Variants in TUBGCP3 observed in about 807,000 individuals in gnomAD.
The protein encoded by TUBGCP3 is gamma-tubulin complex component 3.
A neutral mutation model predicts 123.1 loss-of-function variants in TUBGCP3; 50 were observed. The observed-to-expected ratio is 0.41, with a 90% CI of 0.32 to 0.51. The LOEUF (loss-of-function observed/expected upper bound fraction) is 0.51. TUBGCP3 is among the 20% of genes least tolerant of loss of function. The pLI, the probability that TUBGCP3 is intolerant of heterozygous loss-of-function variation, is 0.36. For missense variants in TUBGCP3, 882 were observed against 1,127.0 expected (o/e 0.78, Z 3.11); for synonymous variants, 405 against 413.9 (o/e 0.98, Z 0.26).
At chr13:112,517,574 GGA>G (rs1566546222) in intron 16 of TUBGCP3, among the ~76,000 whole-genome samples, 1 of 152,168 alleles carries the variant, frequency 6.6e-6, no homozygotes, top group Non-Finnish European at 1.5e-5. Context: ...TAACAAGGCA[GGA>G]GATATGAAAG....
chr13:112,564,495 T>C lies in TUBGCP3; in HGVS notation c.252+616A>G, dbSNP rs983359737. Among the ~76,000 whole-genome samples the C allele has an allele frequency of 2.6e-5, 4 of 152,188 alleles. No homozygotes were observed. The South Asian group carries it at 6.2e-4, about 24-fold the overall frequency. ...CTCACCCTATGATTCAATTAATGTA[T>C]TGGTATACAGGCTGCCAAAATCTTT... On this transcript the variant is annotated intron_variant, in intron 3 of 21. Coordinates refer to ENST00000261965, the MANE Select transcript of TUBGCP3 (RefSeq NM_006322.6).
In TUBGCP3 at chr13:112,550,894, T is replaced by G. The variant is rs368055795; in HGVS notation, c.967-2718A>C. 8.3e-4 allele frequency among the ~76,000 whole-genome samples: 127 copies of G among 152,144 alleles called. 1 individual carries two copies. The highest frequency in any genetic ancestry group is 2.8e-3 in the African/African-American group (117 of 41,512). On this transcript the variant is annotated intron_variant, in intron 8 of 21. Coordinates refer to ENST00000261965, the MANE Select transcript of TUBGCP3 (RefSeq NM_006322.6). ...CGGGCAGATCATGAGGTCAGGAGAT[T>G]AAGACCATCCTGGCTAACACAGTGA...
At chr13:112,567,253 T>C (rs1446189661) in intron 2 of TUBGCP3, among the ~76,000 whole-genome samples, 7 of 151,696 alleles carry the variant, frequency 4.6e-5, no homozygotes, top group Non-Finnish European at 1.0e-4. Context: ...GTTTTCTTCT[T>C]TAAAAGGAAA....
chr13:112,590,021 C>G (rs1882850698), upstream of TUBGCP3, among the ~76,000 whole-genome samples: 1 of 150,834 alleles, frequency 6.6e-6, no homozygotes, highest in African/African-American at 2.4e-5. Context: ...CAGATGGAGT[C>G]TCGCTCTGTT....
rs1245469244 is a variant in TUBGCP3 at position 112,521,693 on chromosome 13, G to A, written c.1745+627C>T. Reference sequence around the variant, plus strand: ...GTGTCCTAAAAGGAACACCAGAAAAGAAGTTTCATTCTTCTAAACACTTGG... The same window carrying A: ...GTGTCCTAAAAGGAACACCAGAAAAAAAGTTTCATTCTTCTAAACACTTGG... On this transcript the variant is annotated intron_variant, in intron 14 of 21. Coordinates refer to ENST00000261965, the MANE Select transcript of TUBGCP3 (RefSeq NM_006322.6). 3.0e-6 allele frequency: 3 copies of A among 985,308 alleles called. No individual in the cohort carries two copies. The African/African-American group carries it at 5.2e-5, about 17-fold the overall frequency. 61.0% of individuals were successfully genotyped at this position (985,308 alleles called of 1,614,324 possible).
Position 112,547,658 on chromosome 13 carries a change from C to T in TUBGCP3, c.1130G>A (p.Arg377Gln), listed in dbSNP as rs370863156. The change falls in exon 10 of 22, where the codon CGA becomes CAA. Residue 377 changes from arginine (R) to glutamine (Q), a missense_variant. Arg to Gln is a conservative substitution (Grantham distance 43). Coordinates refer to ENST00000261965, the MANE Select transcript of TUBGCP3 (RefSeq NM_006322.6). ...LLVWTYDPKIRLKTLAALVDH... is the reference protein window; with the variant it reads ...LLVWTYDPKIQLKTLAALVDH... ...CACTAGGGCCGCAAGGGTCTTCAGT[C>T]GTATTTTGGGATCATAGGTCCAAAC... The T allele has an allele frequency of 9.5e-6, 15 of 1,580,896 alleles. No homozygotes were observed. Among genetic ancestry groups the T allele is most frequent in the South Asian group, 2.3e-5 (2 of 87,206 alleles).
intron 1 of TUBGCP3, among the ~76,000 whole-genome samples, chr13:112,577,576 C>T (rs950466277): frequency 2.6e-5 from 4 of 151,986 alleles, no homozygotes; most frequent in African/African-American, 9.7e-5. Flanking sequence ...AAAAGGCCAC[C>T]GAGTGCTAAG....
At chr13:112,539,419 TG>T (rs1404697304) in intron 11 of TUBGCP3, among the ~76,000 whole-genome samples, 1 of 152,216 alleles carries the variant, frequency 6.6e-6, no homozygotes, top group Non-Finnish European at 1.5e-5. Flanking sequence ...CCACTGGTAT[TG>T]CAGTACTAAA....
At chr13:112,510,892 T>C (rs780887916) in intron 17 of TUBGCP3, among the ~76,000 whole-genome samples, 17 of 152,278 alleles carry the variant, frequency 1.1e-4, no homozygotes, top group Non-Finnish European at 1.8e-4. Context: ...AGACTTTTGT[T>C]AAGGATCTTT....
At position 112,486,120 on chromosome 13, in the gene TUBGCP3, G is replaced by T; in HGVS notation, c.2597C>A (p.Thr866Lys). ...CCGAAGACTCTCGTCAGAGCTGGTC[G>T]TCAGTAACACCAAAAACTGCTGCAC... ...GIVQQFLVLLTTSSDESLRFL... is the reference protein window; with the variant it reads ...GIVQQFLVLLKTSSDESLRFL... The change falls in exon 22 of 22, where the codon ACG (threonine) becomes AAG (lysine). Residue 866 changes from threonine to lysine, a missense_variant. Around this residue, in one of 3 missense-constraint regions of TUBGCP3, gnomAD observed 160 missense variants for 220.3 expected, o/e 0.73. Transcript: ENST00000261965. The T allele has an allele frequency of 1.2e-6, 2 of 1,609,798 alleles. No homozygotes were observed. The highest frequency in any genetic ancestry group is 1.7e-6 in the Non-Finnish European group (2 of 1,177,376).
upstream of TUBGCP3, chr13:112,588,166 C>T (rs1262568101): frequency 2.2e-6 from 1 of 454,432 alleles, no homozygotes; most frequent in South Asian, 4.8e-5. Context: ...GCGCTTCCCA[C>T]AATGCCCCGC....
rs1447264604 is a variant in TUBGCP3, at chr13:112,524,814, T to A, written c.1555+2128A>T. ...AAATCTCTATATTCGGCCCTGACTTTTAACCAGAGTTTCAGTATAGCATTT... is the reference window on the plus strand; with the variant it reads ...AAATCTCTATATTCGGCCCTGACTTATAACCAGAGTTTCAGTATAGCATTT... On this transcript the variant is annotated intron_variant, in intron 13 of 21. Transcript: ENST00000261965. This position sits in a 1 kb window ranked among gnomAD's most constrained non-coding sequence, Gnocchi z 4.4. 6.6e-6 allele frequency among the ~76,000 whole-genome samples: 1 copy of A among 152,176 alleles called. No homozygotes were observed. The highest frequency in any genetic ancestry group is 2.4e-5 in the African/African-American group (1 of 41,436).
intron 20 of TUBGCP3, among the ~76,000 whole-genome samples, chr13:112,497,187 T>C (rs1328177589): frequency 1.3e-5 from 2 of 152,122 alleles, no homozygotes; most frequent in Non-Finnish European, 2.9e-5. Flanking sequence ...TTATCACCCA[T>C]TTTACAAATA....
chr13:112,503,497 G>C (rs1881074324), intron 19 of TUBGCP3, among the ~76,000 whole-genome samples: 1 of 151,932 alleles, frequency 6.6e-6, no homozygotes, highest in South Asian at 2.1e-4. Flanking sequence ...TGCCTCCCAA[G>C]TAGCTGGGAT....
At chr13:112,493,947 G>A (rs1046253048) in intron 20 of TUBGCP3, among the ~76,000 whole-genome samples, 2 of 150,874 alleles carry the variant, frequency 1.3e-5, no homozygotes, top group Admixed American at 1.3e-4. Context: ...TGGTGTCCCT[G>A]AGATGCTCTG....
At chr13:112,582,934 C>G (rs1157398794) in intron 1 of TUBGCP3, among the ~76,000 whole-genome samples, 3 of 152,174 alleles carry the variant, frequency 2.0e-5, no homozygotes, top group Admixed American at 2.0e-4. Context: ...AGAAGCCATC[C>G]CACAAGCTGG....
At chr13:112,573,061 G>A (rs1293518182) in intron 1 of TUBGCP3, among the ~76,000 whole-genome samples, 2 of 151,694 alleles carry the variant, frequency 1.3e-5, no homozygotes, top group African/African-American at 2.4e-5. Context: ...AGATACCTGA[G>A]GGCATCATCT....
At chr13:112,516,634 A>G (rs1321276148) in intron 16 of TUBGCP3, 59 bp from the exon 17 acceptor site, 2 of 1,529,602 alleles carry the variant, frequency 1.3e-6, no homozygotes, top group African/African-American at 2.8e-5. Flanking sequence ...CTCTCAGTAC[A>G]GGTCTCAATC....
chr13:112,545,633 G>C lies in TUBGCP3; in HGVS notation c.1335+66C>G. ...ACATGGTAATCATGAGGGGAAAAAT[G>C]AAACAGCATAACTGCGTGCCCATGC... On this transcript the variant is annotated intron_variant, in intron 11 of 21. Coordinates refer to ENST00000261965, the MANE Select transcript of TUBGCP3 (RefSeq NM_006322.6). This position sits in a 1 kb window ranked among gnomAD's most constrained non-coding sequence, Gnocchi z 4.1. 1 of 1,567,096 alleles carries C rather than the reference G, an allele frequency of 6.4e-7. No homozygotes were observed. Among genetic ancestry groups the C allele is most frequent in the Non-Finnish European group, 8.8e-7 (1 of 1,141,744 alleles).
Sources: allele counts gnomAD v4.1 joint callset (sites outside exome capture counted in the v4.1 genomes callset), GRCh38; gene constraint gnomAD v4.1.1; regional missense constraint gnomAD v4.1.1; non-coding constraint Gnocchi (gnomAD v3.1); transcripts MANE v1.5; gene names NCBI Gene and HGNC (gene_info 2026-07-23, HGNC 2026-07-21).